The following SNTG1 variants were observed in gnomAD, a reference collection of about 807,000 sequenced individuals.
The protein encoded by SNTG1 is gamma-1-syntrophin.
A neutral mutation model predicts 74.7 loss-of-function variants in SNTG1; 39 were observed. That is an observed-to-expected ratio of 0.52 (90% CI 0.40 to 0.68). The LOEUF (loss-of-function observed/expected upper bound fraction) is 0.68, where lower values mean the gene tolerates loss of function less well. SNTG1 is among the 30% of genes least tolerant of loss of function. The pLI is 0.00. For missense variants in SNTG1, 685 were observed against 609.5 expected, an observed-to-expected ratio of 1.12 and a Z score of -1.30; for synonymous variants, 254 against 217.1, an observed-to-expected ratio of 1.17 and a Z score of -1.49.
At chr8:50,182,958 C>G (rs1401174520) in intron 2 of SNTG1, among the ~76,000 whole-genome samples, 1 of 152,130 alleles carries the variant, frequency 6.6e-6, no homozygotes, top group African/African-American at 2.4e-5. Context: ...CCTTTATCCT[C>G]AGAGACACCA....
chr8:49,927,947 A>G lies in SNTG1; in HGVS notation c.-103+15716A>G, dbSNP rs1166818060. ...CTAGCCAACATAGTAAAACCCCTTG[A>G]CTACTAAAAATATAAAATAATAGTA... On this transcript the variant is annotated intron_variant, in intron 1 of 18. Coordinates refer to ENST00000642720, the MANE Select transcript of SNTG1 (RefSeq NM_018967.5). Among the ~76,000 whole-genome samples the G allele has an allele frequency of 3.3e-5, 5 of 151,702 alleles. No individual in the cohort carries two copies. The East Asian group carries it at 9.8e-4, about 30-fold the overall frequency.
At chr8:50,009,686 T>A (rs1266744025) in intron 1 of SNTG1, among the ~76,000 whole-genome samples, 2 of 152,212 alleles carry the variant, frequency 1.3e-5, no homozygotes, top group Non-Finnish European at 2.9e-5. Flanking sequence ...AAGTGTCAAG[T>A]ATTATTTAGT....
At chr8:50,221,114 T>C (rs1029420100) in intron 2 of SNTG1, among the ~76,000 whole-genome samples, 2 of 152,198 alleles carry the variant, frequency 1.3e-5, no homozygotes, top group Non-Finnish European at 2.9e-5. Context: ...TTAAAACTCC[T>C]ATATATTTGG....
At chr8:50,461,456 G>T (rs1279757104) in intron 8 of SNTG1, among the ~76,000 whole-genome samples, 1 of 152,054 alleles carries the variant, frequency 6.6e-6, no homozygotes, top group Non-Finnish European at 1.5e-5. Flanking sequence ...GCTTTACTGT[G>T]TGAGGGCAGG....
At chr8:50,553,210 G>T (rs749703656) in intron 12 of SNTG1, 31 bp downstream of exon 12, 1 of 1,612,410 alleles carries the variant, frequency 6.2e-7, no homozygotes, top group South Asian at 1.1e-5. Flanking sequence ...TACCTAGCCA[G>T]GGTTTCTCAG....
At chr8:50,147,768 T>G (rs1390390039) in intron 1 of SNTG1, among the ~76,000 whole-genome samples, 1 of 152,208 alleles carries the variant, frequency 6.6e-6, no homozygotes, top group Non-Finnish European at 1.5e-5. Flanking sequence ...TTAGGATACA[T>G]GCATGTATTG....
intron 9 of SNTG1, among the ~76,000 whole-genome samples, chr8:50,528,799 T>A (rs533837419): frequency 4.4e-4 from 67 of 151,814 alleles, no homozygotes; most frequent in Non-Finnish European, 7.8e-4. Context: ...TGTCTCTTTT[T>A]TCTAAATTTT....
intron 2 of SNTG1, among the ~76,000 whole-genome samples, chr8:50,360,360 T>C (rs978301754): frequency 2.0e-5 from 3 of 152,182 alleles, no homozygotes; most frequent in Non-Finnish European, 2.9e-5. Context: ...TGGCAGATCA[T>C]GTGTTTTAAA....
chr8:50,583,366 C>T (rs929649372), intron 12 of SNTG1, among the ~76,000 whole-genome samples: 1 of 145,894 alleles, frequency 6.9e-6, no homozygotes, highest in Non-Finnish European at 1.5e-5. Context: ...CACACTACTG[C>T]CTCCAGCCTG....
intron 1 of SNTG1, among the ~76,000 whole-genome samples, chr8:50,026,312 G>GA (rs1211615809): frequency 1.3e-5 from 2 of 152,110 alleles, no homozygotes; most frequent in African/African-American, 4.8e-5. Context: ...TTCTTGTTCT[G>GA]AAAAATCTTT....
rs1473204203 is a variant in SNTG1, at chr8:50,553,033, G to A, written c.681-17G>A. 6.2e-7 allele frequency: 1 copy of A among 1,613,590 alleles called. No individual in the cohort carries two copies. The highest frequency in any genetic ancestry group is 8.5e-7 in the Non-Finnish European group (1 of 1,179,664). On this transcript the variant is annotated splice_polypyrimidine_tract_variant and intron_variant, in intron 11 of 18. Coordinates refer to ENST00000642720, the MANE Select transcript of SNTG1 (RefSeq NM_018967.5). ...ATGACATGAGGTTTTGATCTGATTTGTTCTGAACATCTGCAGGCAGAATGC... is the reference window on the plus strand; with the variant it reads ...ATGACATGAGGTTTTGATCTGATTTATTCTGAACATCTGCAGGCAGAATGC...
At chr8:50,424,058 C>T (rs904322617) in intron 4 of SNTG1, among the ~76,000 whole-genome samples, 2 of 152,054 alleles carry the variant, frequency 1.3e-5, no homozygotes, top group Non-Finnish European at 1.5e-5. Context: ...ACCCTTCTTC[C>T]CCAGTATCTA....
In SNTG1 at chr8:50,018,957, A is replaced by T. The variant is rs77860876; in HGVS notation, c.-103+106726A>T. Among the ~76,000 whole-genome samples, 482 of 152,166 alleles carry T rather than the reference A, an allele frequency of 3.2e-3. 1 individual carries two copies. The highest frequency in any genetic ancestry group is 5.8e-3 in the Non-Finnish European group (391 of 67,938). On this transcript the variant is annotated intron_variant, in intron 1 of 18. Transcript: ENST00000642720. ...TAAACATAGAATTGTTATATGATCC[A>T]GCAAATCTACTCCTAGGTATATACC...
intron 8 of SNTG1, among the ~76,000 whole-genome samples, chr8:50,479,076 G>C (rs1396285161): frequency 2.6e-5 from 4 of 152,132 alleles, no homozygotes; most frequent in Non-Finnish European, 5.9e-5. Context: ...GCAATGCGGA[G>C]AGATTAAATC....
chr8:50,044,964 T>TTAGA (rs1818953044), intron 1 of SNTG1, among the ~76,000 whole-genome samples: 1 of 152,118 alleles, frequency 6.6e-6, no homozygotes, highest in Non-Finnish European at 1.5e-5. Flanking sequence ...CTCTGTTGGT[T>TTAGA]TAGATAGATA....
At chr8:50,101,973 G>C (rs1231391628) in intron 1 of SNTG1, among the ~76,000 whole-genome samples, 1 of 151,990 alleles carries the variant, frequency 6.6e-6, no homozygotes, top group Non-Finnish European at 1.5e-5. Flanking sequence ...GGATATTTGG[G>C]TTGGTTCCAA....
In SNTG1 at chr8:50,701,601, T is replaced by TTCTTCTTCTTCTTCTTCTTCTTCTTCC. The variant is rs1563761286; in HGVS notation, c.1039-2982_1039-2981insTTCTTCTTCCTCTTCTTCTTCTTCTTC. On this transcript the variant is annotated intron_variant, in intron 15 of 18. Transcript: ENST00000642720. ...CTTTTTCTTCCTCTTCTTCTTCTTC[T>TTCTTCTTCTTCTTCTTCTTCTTCTTCC]TCTTCTTCTTCTTCTTCGTGTTCCT... Among the ~76,000 whole-genome samples the TTCTTCTTCTTCTTCTTCTTCTTCTTCC allele has an allele frequency of 3.8e-4, 53 of 140,458 alleles. No individual in the cohort carries two copies. The East Asian group carries it at 0.011, about 28-fold the overall frequency. The allele number at this position is 140,458 out of a possible 152,430, so 92.1% of individuals were successfully genotyped here. A position where few individuals can be genotyped will look rare whatever the true frequency, so the allele number is the denominator to read the frequency against.
intron 1 of SNTG1, among the ~76,000 whole-genome samples, chr8:49,951,873 CAAAAAAAAAAAAAAA>C (rs5891338): frequency 7.1e-5 from 4 of 56,296 alleles, no homozygotes; most frequent in East Asian, 6.5e-4. Context: ...GGAAAATTCA[CAAAAAAAAAAAAAAA>C]AAAAAAAAAA....
intron 2 of SNTG1, among the ~76,000 whole-genome samples, chr8:50,266,922 T>C (rs2087512091): frequency 6.6e-6 from 1 of 151,942 alleles, no homozygotes. Context: ...CTCAGACATC[T>C]CTGTGTAGGA....
Sources: gnomAD v4.1 joint callset for allele counts (sites outside exome capture counted in the v4.1 genomes callset) on GRCh38, gnomAD v4.1.1 for gene constraint, MANE v1.5 for transcripts, NCBI Gene and HGNC (gene_info 2026-07-23, HGNC 2026-07-21) for gene names.